Variants in RBBP4 observed in about 807,000 individuals in gnomAD.
The protein encoded by RBBP4 is RB binding protein 4, chromatin remodeling factor.
Under a neutral mutation model 57.2 loss-of-function variants are expected in RBBP4, and 3 were observed. That is an observed-to-expected ratio of 0.05 (90% CI 0.02 to 0.14). The LOEUF (loss-of-function observed/expected upper bound fraction) is 0.14. Ranked by LOEUF, RBBP4 falls within the 10% of genes least tolerant of loss-of-function variation. The pLI, the probability that RBBP4 is intolerant of heterozygous loss-of-function variation, is 1.00. For synonymous variants in RBBP4, 151 were observed against 171.5 expected (o/e 0.88, Z 0.93); for missense variants, 107 against 520.6 (o/e 0.21, Z 7.73).
intron 3 of RBBP4, 142 bp downstream of exon 3, chr1:32,657,714 A>C: frequency 1.1e-6 from 1 of 923,480 alleles, no homozygotes; most frequent in Non-Finnish European, 1.5e-6. Flanking sequence ...ATTTATATTT[A>C]TATTAGAGTT....
chr1:32,660,346 C>T (rs187412037), intron 3 of RBBP4, among the ~76,000 whole-genome samples: 4 of 152,230 alleles, frequency 2.6e-5, no homozygotes, highest in African/African-American at 7.2e-5. Flanking sequence ...TGGGCTCAAA[C>T]GATCCTCCCA....
chr1:32,664,613 C>G (rs1203959491), intron 3 of RBBP4, among the ~76,000 whole-genome samples: 1 of 152,038 alleles, frequency 6.6e-6, no homozygotes, highest in Non-Finnish European at 1.5e-5. Context: ...CCACCATGCC[C>G]AGCTAATTTT....
At chr1:32,663,495 A>G (rs1385693277) in intron 3 of RBBP4, among the ~76,000 whole-genome samples, 1 of 152,042 alleles carries the variant, frequency 6.6e-6, no homozygotes, top group African/African-American at 2.4e-5. Context: ...GCTGGAGTGC[A>G]GTGGTGTGAT....
Position 32,686,102 on chromosome 1 carries a change from ACAG to A in RBBP4, c.*6401_*6403del, listed in dbSNP as rs1649812176. ...GAGATGTAATGTAAGTGTAAAATACACAGCAGATTTCTAAGACAGCACACAAAA... is the reference window on the plus strand; with the variant it reads ...GAGATGTAATGTAAGTGTAAAATACACAGATTTCTAAGACAGCACACAAAA... On this transcript the variant is annotated 3_prime_UTR_variant, in exon 12 of 12. Coordinates refer to ENST00000373493, the MANE Select transcript of RBBP4 (RefSeq NM_005610.3). 1 of 152,248 alleles carries A rather than the reference ACAG, an allele frequency of 6.6e-6. No homozygotes were observed. Among genetic ancestry groups the A allele is most frequent in the Non-Finnish European group, 1.5e-5 (1 of 68,048 alleles). The allele number at this position is 152,248 out of a possible 1,614,324, so 9.4% of individuals were successfully genotyped here. A position where few individuals can be genotyped will look rare whatever the true frequency, so the allele number is the denominator to read the frequency against.
chr1:32,667,231 G>A (rs1051156152), intron 3 of RBBP4, among the ~76,000 whole-genome samples: 6 of 152,168 alleles, frequency 3.9e-5, no homozygotes, highest in African/African-American at 7.2e-5. Context: ...TGTTCCTCCC[G>A]TACTCCTGAT....
chr1:32,661,283 G>A (rs897027988), intron 3 of RBBP4, among the ~76,000 whole-genome samples: 2 of 146,188 alleles, frequency 1.4e-5, no homozygotes, highest in African/African-American at 5.0e-5. Context: ...GGGTTGAATG[G>A]TAGTTCTATT....
In RBBP4 at chr1:32,684,013, G is replaced by A; in HGVS notation, c.*4308G>A. 6.2e-7 allele frequency: 1 copy of A among 1,613,892 alleles called. No homozygotes were observed. The highest frequency in any genetic ancestry group is 8.5e-7 in the Non-Finnish European group (1 of 1,179,808). ...CTCTTCTCTTCACAAAGATCACCTT[G>A]AGACTGTGTCTCCATTCCACCTGCC... On this transcript the variant is annotated 3_prime_UTR_variant, in exon 12 of 12. Coordinates refer to ENST00000373493, the MANE Select transcript of RBBP4 (RefSeq NM_005610.3).
chr1:32,670,019 A>G (rs767674073), intron 8 of RBBP4, among the ~76,000 whole-genome samples: 10 of 152,156 alleles, frequency 6.6e-5, no homozygotes, highest in African/African-American at 9.7e-5. Flanking sequence ...TGTTATTTCT[A>G]TACTTTCTCA....
At chr1:32,661,420 G>A (rs761287071) in intron 3 of RBBP4, among the ~76,000 whole-genome samples, 9 of 149,588 alleles carry the variant, frequency 6.0e-5, no homozygotes, top group Non-Finnish European at 7.4e-5. Context: ...TCAGCTTCCC[G>A]AGTATCTGGG....
chr1:32,668,143 ATCCTT>A, intron 3 of RBBP4, 77 bp from the exon 4 acceptor site: 4 of 1,321,612 alleles, frequency 3.0e-6, no homozygotes, highest in Non-Finnish European at 3.1e-6. Flanking sequence ...AGGAAAAAAA[ATCCTT>A]TCCTGTGTTC....
At chr1:32,666,668 T>C (rs892099743) in intron 3 of RBBP4, among the ~76,000 whole-genome samples, 14 of 152,222 alleles carry the variant, frequency 9.2e-5, no homozygotes, top group African/African-American at 3.1e-4. Context: ...AAAACTTTAT[T>C]AAGATCTGTT....
chr1:32,654,508 T>A (rs1233201172), intron 2 of RBBP4, among the ~76,000 whole-genome samples: 2 of 152,218 alleles, frequency 1.3e-5, no homozygotes, highest in Admixed American at 1.3e-4. Flanking sequence ...ATCCCATACC[T>A]ACTAAACATT....
chr1:32,653,652 TTTTTTTTGTTTTTG>T (rs1648001512), intron 2 of RBBP4, among the ~76,000 whole-genome samples: 7 of 40,088 alleles, frequency 1.7e-4, no homozygotes, highest in East Asian at 5.5e-4. Context: ...TTTTTTTTTT[TTTTTTTTGTTTTTG>T]TTTTTTTTTT....
Position 32,657,629 on chromosome 1 carries a change from A to G in RBBP4, c.310+57A>G, listed in dbSNP as rs779378515. 982 of 1,534,382 alleles carry G rather than the reference A, an allele frequency of 6.4e-4. 2 individuals are homozygous for G. The highest frequency in any genetic ancestry group is 8.1e-4 in the Non-Finnish European group (922 of 1,131,716). ...TGTGTGGGTCATATCTGTTATGTGC[A>G]CTTTGATAAAGTAAACTCTGACTTT... is the stretch of plus-strand genomic sequence containing the variant. On this transcript the variant is annotated intron_variant, in intron 3 of 11. Coordinates refer to ENST00000373493, the MANE Select transcript of RBBP4 (RefSeq NM_005610.3).
In RBBP4 at chr1:32,680,363, T is replaced by TG. The variant is rs1649355662; in HGVS notation, c.*658_*659insG. 9 of 1,131,646 alleles carry TG rather than the reference T, an allele frequency of 8.0e-6. No individual in the cohort carries two copies. Among genetic ancestry groups the TG allele is most frequent in the South Asian group, 3.7e-5 (1 of 27,282 alleles). 70.1% of individuals were successfully genotyped at this position (1,131,646 alleles called of 1,614,324 possible). A position where few individuals can be genotyped will look rare whatever the true frequency, so the allele number is the denominator to read the frequency against. On this transcript the variant is annotated 3_prime_UTR_variant, in exon 12 of 12. Coordinates refer to ENST00000373493, the MANE Select transcript of RBBP4 (RefSeq NM_005610.3). The stretch of plus-strand genomic sequence containing the variant: ...GTTTTTTTTTTTGTTGTTGGTTTTT[T>TG]TTTTTTTTTTTTTAACTTGGGACCA...
Position 32,680,668 on chromosome 1 carries a change from GT to G in RBBP4, c.*967del. The stretch of plus-strand genomic sequence containing the variant: ...TTTCTACATAACCCCATGCTGATGG[GT>G]TTTATTTAGTATAAAACATCCATCA... On this transcript the variant is annotated 3_prime_UTR_variant, in exon 12 of 12. Transcript: ENST00000373493. 1 of 881,144 alleles carries G rather than the reference GT, an allele frequency of 1.1e-6. No individual in the cohort carries two copies. The highest frequency in any genetic ancestry group is 1.7e-6 in the Non-Finnish European group (1 of 574,542). The allele number at this position is 881,144 out of a possible 1,614,324, so 54.6% of individuals were successfully genotyped here.
At position 32,681,800 on chromosome 1, in the gene RBBP4, T is replaced by C. The variant is rs1649454969; in HGVS notation, c.*2095T>C. On this transcript the variant is annotated 3_prime_UTR_variant, in exon 12 of 12. Coordinates refer to ENST00000373493, the MANE Select transcript of RBBP4 (RefSeq NM_005610.3). ...ATCCAAAGGGTACTTAGTGATCCTTTGCTAAGAAGTTTTTTGCTGTTTCCG... is the reference window on the plus strand; with the variant it reads ...ATCCAAAGGGTACTTAGTGATCCTTCGCTAAGAAGTTTTTTGCTGTTTCCG... The C allele has an allele frequency of 6.2e-7, 1 of 1,614,062 alleles. No individual in the cohort carries two copies. Among genetic ancestry groups the C allele is most frequent in the Non-Finnish European group, 8.5e-7 (1 of 1,180,016 alleles).
intron 3 of RBBP4, among the ~76,000 whole-genome samples, chr1:32,658,247 T>A (rs1648230021): frequency 6.6e-6 from 1 of 152,092 alleles, no homozygotes; most frequent in South Asian, 2.1e-4. Context: ...TCTTACTGGT[T>A]GATTGTTTAA....
chr1:32,662,185 T>G, intron 3 of RBBP4: 1 of 322,206 alleles, frequency 3.1e-6, no homozygotes, highest in Non-Finnish European at 6.4e-6. Context: ...CGCCCGGGTT[T>G]TTTTGTTTTT....
Sources: allele counts gnomAD v4.1 joint callset (sites outside exome capture counted in the v4.1 genomes callset), GRCh38; gene constraint gnomAD v4.1.1; transcripts MANE v1.5; gene names NCBI Gene and HGNC (gene_info 2026-07-23, HGNC 2026-07-21).